Variants in CLEC17A observed in about 807,000 individuals in gnomAD.
CLEC17A encodes C-type lectin domain containing 17A.
In CLEC17A, 37 loss-of-function variants were observed where a neutral mutation model predicts 61.3. The observed-to-expected ratio is 0.60, with a 90% CI of 0.46 to 0.79. The LOEUF is 0.79. CLEC17A is among the 30% of genes least tolerant of loss of function. The probability of loss-of-function intolerance (pLI) is 0.00; values close to 1 mark genes in which losing one functional copy is unlikely to be tolerated. For missense variants in CLEC17A, 418 were observed against 464.7 expected (o/e 0.90, Z 0.92); for synonymous variants, 168 against 164.9 (o/e 1.02, Z -0.14).
intron 4 of CLEC17A, among the ~76,000 whole-genome samples, chr19:14,593,252 G>A (rs1036825282): frequency 1.2e-4 from 18 of 149,800 alleles, no homozygotes; most frequent in Admixed American, 6.7e-4. Flanking sequence ...CAAGATGGGA[G>A]GATCACTTAG....
intron 10 of CLEC17A, among the ~76,000 whole-genome samples, chr19:14,598,414 C>CCTTT (rs751041013): frequency 6.8e-6 from 1 of 147,806 alleles, no homozygotes; most frequent in African/African-American, 2.5e-5. Context: ...TTCCTTCCTT[C>CCTTT]CTTTCTTCTC....
intron 12 of CLEC17A, among the ~76,000 whole-genome samples, chr19:14,601,172 GGATTATAGGT>G (rs1181644216): frequency 6.6e-6 from 1 of 152,002 alleles, no homozygotes; most frequent in African/African-American, 2.4e-5. Flanking sequence ...CAAAGTGCGG[GGATTATAGGT>G]GTGAGCCACC....
At position 14,599,753 on chromosome 19, in the gene CLEC17A, A is replaced by G; in HGVS notation, c.683A>G (p.Asp228Gly). The G allele has an allele frequency of 6.2e-7, 1 of 1,613,940 alleles. No homozygotes were observed. The highest frequency in any genetic ancestry group is 2.2e-5 in the East Asian group (1 of 44,876). ...GMAGLAGLKH[D>G]IARVRADTNQ... Reference sequence around the variant, plus strand: ...GCAGGGCTAGCTGGCCTGAAGCATGACATTGCCCGTGTAAGAGCTGACACC... The same window carrying G: ...GCAGGGCTAGCTGGCCTGAAGCATGGCATTGCCCGTGTAAGAGCTGACACC... Residue 228 changes from aspartate to glycine, a missense_variant, in exon 11 of 14, where the codon GAC becomes GGC. Transcript: ENST00000417570.
chr19:14,600,279 T>G, intron 12 of CLEC17A, 97 bp downstream of exon 12: 1 of 1,423,690 alleles, frequency 7.0e-7, no homozygotes, highest in Middle Eastern at 1.8e-4. Context: ...GGCAAGAAAT[T>G]AGAATTACTT....
At chr19:14,598,571 T>C (rs1236024412) in intron 10 of CLEC17A, among the ~76,000 whole-genome samples, 4 of 151,984 alleles carry the variant, frequency 2.6e-5, no homozygotes, top group Non-Finnish European at 5.9e-5. Context: ...CCTCCCAGGT[T>C]CAAGTGATTG....
chr19:14,586,954 T>G (rs1444008073), intron 2 of CLEC17A, among the ~76,000 whole-genome samples: 2 of 150,348 alleles, frequency 1.3e-5, no homozygotes, highest in Non-Finnish European at 3.0e-5. Context: ...AGTGGCATGA[T>G]CTCAGCTCAC....
At chr19:14,595,353 T>C (rs376683010) in intron 8 of CLEC17A, 38 bp downstream of exon 8, 23 of 1,608,940 alleles carry the variant, frequency 1.4e-5, no homozygotes, top group African/African-American at 1.3e-4. Flanking sequence ...CAGTGGCTAG[T>C]GTATCTGATT....
intron 2 of CLEC17A, among the ~76,000 whole-genome samples, chr19:14,586,550 T>C (rs1050594644): frequency 6.6e-6 from 1 of 152,076 alleles, no homozygotes; most frequent in Non-Finnish European, 1.5e-5. Flanking sequence ...AGCCTCCTGA[T>C]AGCTGGGACT....
intron 10 of CLEC17A, among the ~76,000 whole-genome samples, chr19:14,597,610 TG>T (rs2074580313): frequency 6.6e-6 from 1 of 152,192 alleles, no homozygotes; most frequent in East Asian, 1.9e-4. Context: ...GTGTGGTGTG[TG>T]CTTGTCATCC....
rs181679827 is a variant in CLEC17A, at chr19:14,611,014, T to C, written c.*818T>C. ...CCCATCTTTTCCTTTTTTTTTTTTT[T>C]CCAAACAAAAGCTTTGAAAGTGGTG... On this transcript the variant is annotated 3_prime_UTR_variant, in exon 14 of 14. Coordinates refer to ENST00000417570, the MANE Select transcript of CLEC17A (RefSeq NM_001204118.2). 2.6e-4 allele frequency: 38 copies of C among 146,790 alleles called. No individual in the cohort carries two copies. The East Asian group carries it at 5.3e-3, about 20-fold the overall frequency. The allele number at this position is 146,790 out of a possible 1,614,324, so 9.1% of individuals were successfully genotyped here. A position where few individuals can be genotyped will look rare whatever the true frequency, so the allele number is the denominator to read the frequency against.
chr19:14,590,308 T>C (rs1196129137), intron 3 of CLEC17A, among the ~76,000 whole-genome samples: 1 of 152,164 alleles, frequency 6.6e-6, no homozygotes, highest in African/African-American at 2.4e-5. Flanking sequence ...CCTATCCCTA[T>C]TGCTCTGTTT....
Position 14,594,567 on chromosome 19 carries a change from G to C in CLEC17A, c.310+18G>C. The C allele has an allele frequency of 1.2e-6, 2 of 1,612,358 alleles. No individual in the cohort carries two copies. The highest frequency in any genetic ancestry group is 1.7e-5 in the Admixed American group (1 of 59,724). Reference sequence around the variant, plus strand: ...AAGGGCAGGTGAGTTGGGGCTGGGGGTGTAGGAGACCCAGAGCTGGCTTTG... The same window carrying C: ...AAGGGCAGGTGAGTTGGGGCTGGGGCTGTAGGAGACCCAGAGCTGGCTTTG... On this transcript the variant is annotated intron_variant, in intron 5 of 13. Transcript: ENST00000417570.
intron 10 of CLEC17A, among the ~76,000 whole-genome samples, chr19:14,597,643 T>C (rs1334364605): frequency 6.6e-6 from 1 of 152,172 alleles, no homozygotes; most frequent in Non-Finnish European, 1.5e-5. Flanking sequence ...GAGGCCGAAG[T>C]GGGAGGATCT....
chr19:14,594,821 T>G, intron 7 of CLEC17A, 21 bp downstream of exon 7: 1 of 1,608,098 alleles, frequency 6.2e-7, no homozygotes, highest in Non-Finnish European at 8.5e-7. Flanking sequence ...GGAAGACCCT[T>G]TAAGATGCCT....
In CLEC17A at chr19:14,591,898, A is replaced by ATGTGTGTGTG. The variant is rs747656450; in HGVS notation, c.200-355_200-346dup. Among the ~76,000 whole-genome samples, 1,076 of 138,994 alleles carry ATGTGTGTGTG rather than the reference A, an allele frequency of 7.7e-3. 3 individuals carry two copies. Among genetic ancestry groups the ATGTGTGTGTG allele is most frequent in the African/African-American group, 0.017 (611 of 35,858 alleles). 91.2% of individuals were successfully genotyped at this position (138,994 alleles called of 152,430 possible). A position where few individuals can be genotyped will look rare whatever the true frequency, so the allele number is the denominator to read the frequency against. ...GTGTGAATCCAAACTCCGGAGAAAA[A>ATGTGTGTGTG]TGTGTGTGTGTGTGTGTGTGTGTGT... On this transcript the variant is annotated intron_variant, in intron 3 of 13. Coordinates refer to ENST00000417570, the MANE Select transcript of CLEC17A (RefSeq NM_001204118.2).
chr19:14,589,294 C>T (rs1420134694), intron 3 of CLEC17A, among the ~76,000 whole-genome samples: 4 of 129,626 alleles, frequency 3.1e-5, no homozygotes, highest in Non-Finnish European at 4.5e-5. Context: ...CATCCTGAAA[C>T]GCAACTGTTT....
chr19:14,607,413 C>T (rs1226249039), intron 13 of CLEC17A, among the ~76,000 whole-genome samples: 3 of 151,700 alleles, frequency 2.0e-5, no homozygotes, highest in African/African-American at 7.2e-5. Flanking sequence ...CCGTGTTAGC[C>T]AGGATGGTCT....
intron 4 of CLEC17A, among the ~76,000 whole-genome samples, chr19:14,592,965 C>T (rs758963746): frequency 5.9e-5 from 9 of 152,012 alleles, no homozygotes; most frequent in Admixed American, 1.3e-4. Context: ...CACGCCTGGC[C>T]GAGCAGACAT....
rs181830894 is a variant in CLEC17A, at chr19:14,610,795, A to G, written c.*599A>G. 8 of 152,612 alleles carry G rather than the reference A, an allele frequency of 5.2e-5. No homozygotes were observed. Among genetic ancestry groups the G allele is most frequent in the African/African-American group, 1.7e-4 (7 of 41,526 alleles). 9.5% of individuals were successfully genotyped at this position (152,612 alleles called of 1,614,324 possible). A position where few individuals can be genotyped will look rare whatever the true frequency, so the allele number is the denominator to read the frequency against. On this transcript the variant is annotated 3_prime_UTR_variant, in exon 14 of 14. Coordinates refer to ENST00000417570, the MANE Select transcript of CLEC17A (RefSeq NM_001204118.2). ...TTGGGCTTCCCAAATTGTGAGGATT[A>G]CAGGTGTGAGCCACTGTGCCTGGCT...
Sources: gnomAD v4.1 joint callset for allele counts (sites outside exome capture counted in the v4.1 genomes callset) on GRCh38, gnomAD v4.1.1 for gene constraint, MANE v1.5 for transcripts, NCBI Gene and HGNC (gene_info 2026-07-23, HGNC 2026-07-21) for gene names.